XRRA1: variants seen among roughly 807,000 people sequenced by gnomAD.
The protein encoded by XRRA1 is X-ray radiation resistance associated 1.
XRRA1 carries 69 observed loss-of-function variants against 80.2 expected under a neutral mutation model. The ratio of observed to expected loss-of-function variants is 0.86; its 90% confidence interval spans 0.71 to 1.05. XRRA1 has a LOEUF of 1.05. Among genes scored for constraint, XRRA1 ranks in the 50% least tolerant of loss-of-function variants. The probability of loss-of-function intolerance (pLI) is 0.00; values close to 1 mark genes in which losing one functional copy is unlikely to be tolerated. For missense variants in XRRA1, 967 were observed against 976.4 expected, an observed-to-expected ratio of 0.99 and a Z score of 0.13; for synonymous variants, 348 against 389.9, an observed-to-expected ratio of 0.89 and a Z score of 1.27.
intron 8 of XRRA1, 117 bp downstream of exon 8, chr11:74,921,095 CAT>C: frequency 7.4e-7 from 1 of 1,342,304 alleles, no homozygotes; most frequent in Non-Finnish European, 1.0e-6. Context: ...CAGTAGGTGC[CAT>C]TATCCCTGCT....
intron 8 of XRRA1, among the ~76,000 whole-genome samples, chr11:74,909,089 T>C (rs965225895): frequency 1.3e-5 from 2 of 152,192 alleles, no homozygotes; most frequent in African/African-American, 4.8e-5. Context: ...CCTGCCTTTT[T>C]TTCTGTATCC....
At chr11:74,917,252 A>G (rs1419397778) in intron 8 of XRRA1, among the ~76,000 whole-genome samples, 2 of 152,224 alleles carry the variant, frequency 1.3e-5, no homozygotes, top group African/African-American at 4.8e-5. Flanking sequence ...CCCAATGAAT[A>G]TATTTCTTAT....
intron 7 of XRRA1, among the ~76,000 whole-genome samples, chr11:74,923,940 A>G (rs1389651460): frequency 6.6e-6 from 1 of 152,078 alleles, no homozygotes; most frequent in Non-Finnish European, 1.5e-5. Flanking sequence ...TGAAGCCTCA[A>G]GCTGCTGGGC....
intron 10 of XRRA1, among the ~76,000 whole-genome samples, chr11:74,890,617 G>A (rs1221029999): frequency 1.3e-5 from 2 of 152,134 alleles, no homozygotes; most frequent in Non-Finnish European, 2.9e-5. Context: ...TCCAGGAGCT[G>A]GTGTTTTGAA....
At position 74,906,390 on chromosome 11, in the gene XRRA1, G is replaced by A. The variant is rs9735758; in HGVS notation, c.852C>T (p.Leu284=). The part of the protein sequence containing the change: ...IRIPYLQQVQ[L]YDESVDWNGG... ...CATTCCAGTCTACTGACTCGTCATA[G>A]AGCTGAACTTGCTGTAGGTATGGGA... Residue 284 remains leucine, a synonymous_variant, in exon 10 of 19, where the codon CTC becomes CTT. Transcript: ENST00000684022. The A allele has an allele frequency of 1.9e-6, 3 of 1,614,004 alleles. No homozygotes were observed. The highest frequency in any genetic ancestry group is 2.5e-6 in the Non-Finnish European group (3 of 1,179,894).
chr11:74,856,938 C>T (rs1444078999), intron 12 of XRRA1, among the ~76,000 whole-genome samples: 1 of 152,114 alleles, frequency 6.6e-6, no homozygotes, highest in Admixed American at 6.5e-5. Context: ...GGGCCTAGCA[C>T]ATTAGAGGTC....
chr11:74,919,578 C>A, intron 8 of XRRA1: 1 of 483,058 alleles, frequency 2.1e-6, no homozygotes, highest in Non-Finnish European at 4.0e-6. Flanking sequence ...GAAGCCGGGA[C>A]CCGGCAGAAT....
At position 74,862,969 on chromosome 11, in the gene XRRA1, G is replaced by A. The variant is rs2135975522; in HGVS notation, c.1044+12C>T. The A allele has an allele frequency of 6.3e-7, 1 of 1,589,424 alleles. No individual in the cohort carries two copies. On this transcript the variant is annotated intron_variant, in intron 11 of 18. Transcript: ENST00000684022. The stretch of plus-strand genomic sequence containing the variant: ...AACTCAGGAACACAAATATAAAGTA[G>A]TCAGTTCCTACCTCTGAGGTTGAAA...
intron 10 of XRRA1, among the ~76,000 whole-genome samples, chr11:74,885,263 C>CAAAG: frequency 6.6e-6 from 1 of 151,698 alleles, no homozygotes; most frequent in East Asian, 1.9e-4. Flanking sequence ...GACCCTGTCT[C>CAAAG]AAAGAAGAGA....
chr11:74,844,966 C>T (rs911557065), intron 16 of XRRA1, 107 bp downstream of exon 16: 20 of 1,128,290 alleles, frequency 1.8e-5, no homozygotes, highest in Middle Eastern at 3.0e-4. Flanking sequence ...GAGGACAGCA[C>T]CCTAGTTGGG....
At chr11:74,843,991 C>T in intron 17 of XRRA1, 32 bp from the exon 18 acceptor site, 1 of 1,593,470 alleles carries the variant, frequency 6.3e-7, no homozygotes, top group Non-Finnish European at 8.6e-7. Flanking sequence ...GGGTGTTATC[C>T]CAGGTTTATG....
chr11:74,892,765 C>G (rs1329275728), intron 10 of XRRA1, among the ~76,000 whole-genome samples: 1 of 152,008 alleles, frequency 6.6e-6, no homozygotes, highest in Admixed American at 6.6e-5. Flanking sequence ...AGACACTTCT[C>G]AAAAGAAGAC....
chr11:74,895,727 C>T (rs2052133583), intron 10 of XRRA1, among the ~76,000 whole-genome samples: 1 of 152,158 alleles, frequency 6.6e-6, no homozygotes, highest in Non-Finnish European at 1.5e-5. Context: ...TCTTGGATAC[C>T]AGCTTAGGCA....
intron 7 of XRRA1, among the ~76,000 whole-genome samples, chr11:74,922,870 T>C (rs1941247463): frequency 6.6e-6 from 1 of 152,192 alleles, no homozygotes; most frequent in Admixed American, 6.5e-5. Context: ...TGGAGTCTAG[T>C]ATACAGTAAA....
rs557095266 is a variant in XRRA1, at chr11:74,863,060, C to T, written c.1004-39G>A. 145 of 1,577,556 alleles carry T rather than the reference C, an allele frequency of 9.2e-5. 1 individual carries two copies. The East Asian group carries it at 2.0e-3, about 22-fold the overall frequency. ...GAAACAGAATGAAGGTTGGTGAGAC[C>T]GCTGATTGATGCCTAGAGCACCCAG... is the stretch of plus-strand genomic sequence containing the variant. On this transcript the variant is annotated intron_variant, in intron 10 of 18. Transcript: ENST00000684022.
chr11:74,919,607 T>A, intron 8 of XRRA1: 1 of 538,642 alleles, frequency 1.9e-6, no homozygotes, highest in Non-Finnish European at 3.6e-6. Flanking sequence ...TGAAGAAGGG[T>A]GGCAAGAAGA....
chr11:74,882,021 G>A (rs1190615759), intron 10 of XRRA1, among the ~76,000 whole-genome samples: 6 of 144,286 alleles, frequency 4.2e-5, no homozygotes, highest in Middle Eastern at 3.4e-3. Context: ...TCTTTGTGGC[G>A]TTCTCTGTAT....
intron 10 of XRRA1, among the ~76,000 whole-genome samples, chr11:74,865,287 T>G (rs61894785): frequency 0.62 from 93,479 of 151,734 alleles, 30,180 homozygotes; most frequent in African/African-American, 0.8. Context: ...AGATCCTGTG[T>G]GGGCCCAGTC....
chr11:74,927,507 G>T lies in XRRA1; in HGVS notation c.425-19C>A, dbSNP rs369937216. The T allele has an allele frequency of 1.3e-6, 2 of 1,499,778 alleles. No individual in the cohort carries two copies. The allele number at this position is 1,499,778 out of a possible 1,614,324, so 92.9% of individuals were successfully genotyped here. On this transcript the variant is annotated intron_variant, in intron 6 of 18. Coordinates refer to ENST00000684022, the MANE Select transcript of XRRA1 (RefSeq NM_001378157.1). Reference sequence around the variant, plus strand: ...AATGCCTCTACATGGGGAAGAGAAAGAGAGAGTCTGCAGCTTGTAAAGGAC... The same window carrying T: ...AATGCCTCTACATGGGGAAGAGAAATAGAGAGTCTGCAGCTTGTAAAGGAC...
Sources: allele counts gnomAD v4.1 joint callset (sites outside exome capture counted in the v4.1 genomes callset), GRCh38; gene constraint gnomAD v4.1.1; transcripts MANE v1.5; gene names NCBI Gene and HGNC (gene_info 2026-07-23, HGNC 2026-07-21).